The following TM9SF4 variants were observed in gnomAD, a reference collection of about 807,000 sequenced individuals.
TM9SF4 encodes dinucleotide oxidase disulfide thiol exchanger 3 superfamily member 4.
In TM9SF4, 26 loss-of-function variants were observed where a neutral mutation model predicts 90.4. The observed-to-expected ratio is 0.29, with a 90% CI of 0.21 to 0.40. TM9SF4 has a LOEUF of 0.40. TM9SF4 is among the 10% of genes least tolerant of loss of function. The pLI is 1.00. For synonymous variants in TM9SF4, 293 were observed against 315.4 expected, an observed-to-expected ratio of 0.93 and a Z score of 0.75; for missense variants, 549 against 834.8, an observed-to-expected ratio of 0.66 and a Z score of 4.22.
chr20:32,126,356 T>C (rs934322965), intron 1 of TM9SF4, among the ~76,000 whole-genome samples: 1 of 152,200 alleles, frequency 6.6e-6, no homozygotes, highest in Non-Finnish European at 1.5e-5. Flanking sequence ...CATTAAACTT[T>C]AAGAAGCACC....
intron 1 of TM9SF4, 55 bp from the exon 2 acceptor site, chr20:32,132,958 G>C: frequency 6.6e-7 from 1 of 1,524,588 alleles, no homozygotes; most frequent in Non-Finnish European, 9.1e-7. Flanking sequence ...ATCTGCCTCA[G>C]AGGATCTTCT....
chr20:32,112,846 A>C (rs894865887), intron 1 of TM9SF4, among the ~76,000 whole-genome samples: 41 of 152,216 alleles, frequency 2.7e-4, no homozygotes, highest in African/African-American at 9.7e-4. Flanking sequence ...GCAGTGACCC[A>C]CAGAGGCCAG....
chr20:32,126,855 C>A (rs1183923064), intron 1 of TM9SF4, among the ~76,000 whole-genome samples: 1 of 152,150 alleles, frequency 6.6e-6, no homozygotes, highest in African/African-American at 2.4e-5. Flanking sequence ...CCTGCCTCAG[C>A]CTCCCAGGTG....
At position 32,150,716 on chromosome 20, in the gene TM9SF4, G is replaced by A; in HGVS notation, c.1169+13G>A. 6.2e-7 allele frequency: 1 copy of A among 1,614,264 alleles called. No homozygotes were observed. Among genetic ancestry groups the A allele is most frequent in the Non-Finnish European group, 8.5e-7 (1 of 1,180,048 alleles). The stretch of plus-strand genomic sequence containing the variant: ...TCATGTTCATGGGGTAGGTGTGTCT[G>A]AGTGGGCTCCCGGGGGCGGCACAGG... On this transcript the variant is annotated intron_variant, in intron 11 of 17. Transcript: ENST00000398022.
chr20:32,143,026 G>A lies in TM9SF4; in HGVS notation c.573G>A (p.Arg191=). 1.9e-6 allele frequency: 3 copies of A among 1,613,930 alleles called. No individual in the cohort carries two copies. The highest frequency in any genetic ancestry group is 2.2e-5 in the East Asian group (1 of 44,868). Residue 191 remains arginine (R), a synonymous_variant, in exon 6 of 18, where the codon CGG becomes CGA. Coordinates refer to ENST00000398022, the MANE Select transcript of TM9SF4 (RefSeq NM_014742.4). ...NHLSFILYYH[R]EDMEEDQEHT... ...TCTCATTCATCCTTTACTATCATCG[G>A]GAGGACATGGAAGAGGACCAGGAGC...
intron 1 of TM9SF4, among the ~76,000 whole-genome samples, chr20:32,129,653 C>T (rs1479200943): frequency 6.9e-6 from 1 of 144,646 alleles, no homozygotes; most frequent in East Asian, 2.0e-4. Flanking sequence ...GGATGGAGTA[C>T]AGCTCACTGC....
At position 32,149,675 on chromosome 20, in the gene TM9SF4, C is replaced by T. The variant is rs201182536; in HGVS notation, c.996C>T (p.Gly332=). Residue 332 remains glycine, a synonymous_variant, in exon 10 of 18, where the codon GGC becomes GGT. Transcript: ENST00000398022. ...AGTCTGGGTGGAAGTTGGTGCACGG[C>T]GACGTCTTCAGGCCCCCCCAGTACC... ...MEESGWKLVH[G]DVFRPPQYPM... is the part of the protein sequence containing the mutation. The T allele has an allele frequency of 4.3e-6, 7 of 1,614,198 alleles. No homozygotes were observed. The highest frequency in any genetic ancestry group is 1.3e-5 in the African/African-American group (1 of 75,052).
At chr20:32,123,744 C>T (rs1299294857) in intron 1 of TM9SF4, among the ~76,000 whole-genome samples, 3 of 148,940 alleles carry the variant, frequency 2.0e-5, no homozygotes, top group Admixed American at 6.7e-5. Flanking sequence ...TCCATATTTT[C>T]TTCTAATACT....
Position 32,165,435 on chromosome 20 carries a change from G to A in TM9SF4, c.1920G>A (p.Lys640=). 2 of 1,614,182 alleles carry A rather than the reference G, an allele frequency of 1.2e-6. No homozygotes were observed. Among genetic ancestry groups the A allele is most frequent in the African/African-American group, 1.3e-5 (1 of 75,054 alleles). Residue 640 remains lysine, a synonymous_variant, in exon 18 of 18, where the codon AAG becomes AAA. Transcript: ENST00000398022. ...TTCGCAAGATCTATGCTGCTGTGAA[G>A]ATAGACTGATTGGAGTGGACCACGG... The part of the protein sequence containing the change: ...MFVRKIYAAV[K]ID
chr20:32,162,818 T>C (rs189907758), intron 17 of TM9SF4, among the ~76,000 whole-genome samples: 1 of 151,570 alleles, frequency 6.6e-6, no homozygotes, highest in South Asian at 2.1e-4. Context: ...TAATCATAAC[T>C]CTCATAAGTG....
At chr20:32,144,882 G>A (rs571218681) in intron 6 of TM9SF4, among the ~76,000 whole-genome samples, 4 of 152,180 alleles carry the variant, frequency 2.6e-5, no homozygotes, top group South Asian at 4.1e-4. Context: ...CATTGTCTGC[G>A]TGACAGGGCA....
At chr20:32,157,507 A>G (rs2046944906) in intron 13 of TM9SF4, among the ~76,000 whole-genome samples, 1 of 152,074 alleles carries the variant, frequency 6.6e-6, no homozygotes, top group Admixed American at 6.5e-5. Context: ...TGACCTCTTC[A>G]TCTCTTCACG....
At chr20:32,151,915 G>A (rs1439759659) in intron 12 of TM9SF4, among the ~76,000 whole-genome samples, 1 of 151,144 alleles carries the variant, frequency 6.6e-6, no homozygotes, top group Non-Finnish European at 1.5e-5. Flanking sequence ...AGGCTGGAGT[G>A]CAGTGGTGTG....
At chr20:32,139,592 C>CT (rs2046642009) in intron 3 of TM9SF4, among the ~76,000 whole-genome samples, 1 of 152,376 alleles carries the variant, frequency 6.6e-6, no homozygotes, top group Non-Finnish European at 1.5e-5. Context: ...CTTGCATCCT[C>CT]TGTTTTCTTC....
At chr20:32,145,987 G>A (rs980774405) in intron 8 of TM9SF4, among the ~76,000 whole-genome samples, 6 of 152,192 alleles carry the variant, frequency 3.9e-5, no homozygotes, top group Admixed American at 2.0e-4. Context: ...GTCCTGCAGC[G>A]AGATAAGCTC....
chr20:32,152,022 T>C (rs6121365), intron 12 of TM9SF4, among the ~76,000 whole-genome samples: 83,103 of 150,986 alleles, frequency 0.55, 24,544 homozygotes, highest in East Asian at 0.81. Flanking sequence ...CCACCACACC[T>C]GGCTAATTTT....
At chr20:32,119,769 T>G (rs2046277911) in intron 1 of TM9SF4, among the ~76,000 whole-genome samples, 1 of 152,168 alleles carries the variant, frequency 6.6e-6, no homozygotes, top group Non-Finnish European at 1.5e-5. Context: ...AATGATTTCT[T>G]ATTTTTTCCG....
rs775481326 is a variant in TM9SF4, at chr20:32,158,433, CCT to C, written c.1506-14_1506-13del. On this transcript the variant is annotated splice_polypyrimidine_tract_variant and intron_variant, in intron 14 of 17. Coordinates refer to ENST00000398022, the MANE Select transcript of TM9SF4 (RefSeq NM_014742.4). ...GTGGCCTGGTCTCTAACAATGTCAA[CCT>C]CTCGTTCTGTGGCAGCATCCTCATG... 6.2e-7 allele frequency: 1 copy of C among 1,614,136 alleles called. No homozygotes were observed. The highest frequency in any genetic ancestry group is 8.5e-7 in the Non-Finnish European group (1 of 1,179,964).
chr20:32,141,719 AC>A (rs1399217274), intron 4 of TM9SF4, 46 bp from the exon 5 acceptor site: 32 of 1,613,120 alleles, frequency 2.0e-5, no homozygotes, highest in Non-Finnish European at 2.5e-5. Flanking sequence ...GAGGACACTG[AC>A]GGGAGAGGCG....
Sources: gnomAD v4.1 joint callset for allele counts (sites outside exome capture counted in the v4.1 genomes callset) on GRCh38, gnomAD v4.1.1 for gene constraint, MANE v1.5 for transcripts, NCBI Gene and HGNC (gene_info 2026-07-23, HGNC 2026-07-21) for gene names.